UNC13D: variants seen among roughly 807,000 people sequenced by gnomAD.
UNC13D encodes unc-13 homolog D.
In UNC13D, 115 loss-of-function variants were observed where a neutral mutation model predicts 151.7. The ratio of observed to expected loss-of-function variants is 0.76; its 90% confidence interval spans 0.65 to 0.88. UNC13D has a LOEUF of 0.88. Among genes scored for constraint, UNC13D ranks in the 40% least tolerant of loss-of-function variants. UNC13D has a pLI of 0.00. For synonymous variants in UNC13D, 588 were observed against 612.2 expected (o/e 0.96, Z 0.58); for missense variants, 1,369 against 1,438.7 (o/e 0.95, Z 0.78).
chr17:75,839,945 G>A lies in UNC13D; in HGVS notation c.952-3C>T, dbSNP rs780758556. Reference sequence around the variant, plus strand: ...CCGTCCCAGGAGGTGCTTCCCGCCTGAGGGGAGCAGGTGGAGGAGTGTCAG... The same window carrying A: ...CCGTCCCAGGAGGTGCTTCCCGCCTAAGGGGAGCAGGTGGAGGAGTGTCAG... On this transcript the variant is annotated splice_polypyrimidine_tract_variant and splice_region_variant and intron_variant, in intron 11 of 31. Transcript: ENST00000207549. 5 of 1,613,764 alleles carry A rather than the reference G, an allele frequency of 3.1e-6. No individual in the cohort carries two copies. Among genetic ancestry groups the A allele is most frequent in the Non-Finnish European group, 4.2e-6 (5 of 1,180,010 alleles).
Position 75,835,858 on chromosome 17 carries a change from C to A in UNC13D, c.1593G>T (p.Trp531Cys), listed in dbSNP as rs375293311. 11 of 1,614,052 alleles carry A rather than the reference C, an allele frequency of 6.8e-6. No individual in the cohort carries two copies. The African/African-American group carries it at 1.2e-4, about 18-fold the overall frequency. Residue 531 changes from tryptophan to cysteine, a missense_variant, in exon 18 of 32, where the codon TGG (tryptophan) becomes TGT (cysteine). Physicochemically the swap from Trp to Cys is radical, Grantham distance 215. Transcript: ENST00000207549. ...LFSMAFRELQWLVAKRVQDHT... is the reference protein window; with the variant it reads ...LFSMAFRELQCLVAKRVQDHT... ...TAGAGACGGGGGAGGGACTCACCAG[C>A]CACTGCAGCTCCCGGAAAGCCATGG... is the stretch of plus-strand genomic sequence containing the variant.
chr17:75,837,942 A>G (rs973523541), intron 12 of UNC13D, among the ~76,000 whole-genome samples: 11 of 152,272 alleles, frequency 7.2e-5, no homozygotes, highest in African/African-American at 2.4e-4. Flanking sequence ...CCTATTGGAC[A>G]CTGCAGCCAC....
Position 75,840,787 on chromosome 17 carries a change from G to A in UNC13D, c.658C>T (p.Leu220Phe), listed in dbSNP as rs1006069791. ...VESVRQKLGE[L>F]TDLHGLRRIF... is the part of the protein sequence containing the mutation. ...CTGCGAAGCCCATGCAGATCCGTGAGCTCCCCAAGCTTCTGTCGGACAGAC... is the reference window on the plus strand; with the variant it reads ...CTGCGAAGCCCATGCAGATCCGTGAACTCCCCAAGCTTCTGTCGGACAGAC... Residue 220 changes from leucine to phenylalanine, a missense_variant, in exon 8 of 32, where the codon CTC becomes TTC. Around this residue, in one of 3 missense-constraint regions of UNC13D, gnomAD observed 550 missense variants for 609.0 expected, o/e 0.90. Transcript: ENST00000207549. The surrounding 1 kb of genome is among the most constrained non-coding windows in gnomAD (Gnocchi z 4.6). 1.2e-6 allele frequency: 2 copies of A among 1,614,028 alleles called. No individual in the cohort carries two copies. The highest frequency in any genetic ancestry group is 2.2e-5 in the East Asian group (1 of 44,882).
intron 6 of UNC13D, 134 bp from the exon 7 acceptor site, chr17:75,841,135 CTTTTTT>C (rs34691954): frequency 4.2e-4 from 128 of 307,170 alleles, no homozygotes; most frequent in East Asian, 1.1e-3. Context: ...AGCCGCATCC[CTTTTTT>C]TTTTTTTTTT....
rs757821324 is a variant in UNC13D at position 75,828,790 on chromosome 17, T to G, written c.3148A>C (p.Asn1050His). ...TRLPLTYPAP[N>H]GDPILQLLEG... ...CCTGCCCTGGGCTCAGGCCTACCGT[T>G]GGGTGCGGGGTACGTGAGGGGCAGG... Residue 1050 changes from asparagine to histidine, a missense_variant, in exon 31 of 32, where the codon AAC (asparagine) becomes CAC (histidine). Coordinates refer to ENST00000207549, the MANE Select transcript of UNC13D (RefSeq NM_199242.3). 1 of 1,539,810 alleles carries G rather than the reference T, an allele frequency of 6.5e-7. No homozygotes were observed. The highest frequency in any genetic ancestry group is 1.2e-5 in the South Asian group (1 of 84,006).
rs1461192239 is a variant in UNC13D at position 75,835,045 on chromosome 17, G to T, written c.1867C>A (p.Leu623Met). 2 of 1,613,968 alleles carry T rather than the reference G, an allele frequency of 1.2e-6. No homozygotes were observed. The highest frequency in any genetic ancestry group is 2.7e-5 in the African/African-American group (2 of 75,034). The change falls in exon 21 of 32, where the codon CTG becomes ATG. Residue 623 changes from leucine (L) to methionine (M), a missense_variant. Physicochemically the swap from Leu to Met is conservative, Grantham distance 15 (BLOSUM62 2). Transcript: ENST00000207549. The stretch of plus-strand genomic sequence containing the variant: ...ACCGCTGATGTGCTGTGCTTGGTCA[G>T]TTCACCCAGGGGCACCAGCTGGGGG... ...QMDELVPLGE[L>M]TKHSTSAVDL...
rs200887966 is a variant in UNC13D at position 75,840,342 on chromosome 17, G to T, written c.754-13C>A. 1 of 1,612,994 alleles carries T rather than the reference G, an allele frequency of 6.2e-7. No homozygotes were observed. Among genetic ancestry groups the T allele is most frequent in the Non-Finnish European group, 8.5e-7 (1 of 1,179,726 alleles). On this transcript the variant is annotated splice_polypyrimidine_tract_variant and intron_variant, in intron 9 of 31. Coordinates refer to ENST00000207549, the MANE Select transcript of UNC13D (RefSeq NM_199242.3). This position sits in a 1 kb window ranked among gnomAD's most constrained non-coding sequence, Gnocchi z 4.6. ...GGCAGCGCAGGTCCTGACAGGCGGG[G>T]ATGCCCAGCCCGTGAGCGTCAGAAC... is the stretch of plus-strand genomic sequence containing the variant.
chr17:75,833,111 C>A lies in UNC13D; in HGVS notation c.2368-66G>T. 1 of 1,494,852 alleles carries A rather than the reference C, an allele frequency of 6.7e-7. No individual in the cohort carries two copies. The highest frequency in any genetic ancestry group is 1.2e-5 in the South Asian group (1 of 82,908). The allele number at this position is 1,494,852 out of a possible 1,614,324, so 92.6% of individuals were successfully genotyped here. A position where few individuals can be genotyped will look rare whatever the true frequency, so the allele number is the denominator to read the frequency against. ...GTTGGCCCCACCCCCATCCCCTTCC[C>A]CTGACCTGGAGGGAGGAAACAGGGC... On this transcript the variant is annotated intron_variant, in intron 24 of 31. Coordinates refer to ENST00000207549, the MANE Select transcript of UNC13D (RefSeq NM_199242.3). This position sits in a 1 kb window ranked among gnomAD's most constrained non-coding sequence, Gnocchi z 4.0.
rs1426819413 is a variant in UNC13D at position 75,827,669 on chromosome 17, C to CA, written c.*295dup. The CA allele has an allele frequency of 2.2e-5, 33 of 1,529,186 alleles. No homozygotes were observed. Among genetic ancestry groups the CA allele is most frequent in the Non-Finnish European group, 2.9e-5 (33 of 1,143,762 alleles). The allele number at this position is 1,529,186 out of a possible 1,614,324, so 94.7% of individuals were successfully genotyped here. On this transcript the variant is annotated 3_prime_UTR_variant, in exon 32 of 32. Coordinates refer to ENST00000207549, the MANE Select transcript of UNC13D (RefSeq NM_199242.3). ...AGATGGCCCAATCCCCTGCCCACCA[C>CA]AGCAGCTTTTCTGAGAGGCGGGCAG...
intron 21 of UNC13D, 33 bp downstream of exon 21, chr17:75,834,887 A>T: frequency 6.2e-7 from 1 of 1,613,700 alleles, no homozygotes; most frequent in Middle Eastern, 1.7e-4. Flanking sequence ...CTGTTCTAGA[A>T]AGAGGGGGAA....
chr17:75,836,854 G>C lies in UNC13D; in HGVS notation c.1120C>G (p.Pro374Ala), dbSNP rs753098192. Residue 374 changes from proline (P) to alanine (A), a missense_variant, in exon 13 of 32, where the codon CCC (proline) becomes GCC (alanine). Pro to Ala is a conservative substitution (Grantham distance 27). This residue lies in a region of UNC13D where 550 missense variants were observed against 609.0 expected (regional missense o/e 0.90). Coordinates refer to ENST00000207549, the MANE Select transcript of UNC13D (RefSeq NM_199242.3). ...LEFPSSCLLH[P>A]ITSIEYQWIQ... Reference sequence around the variant, plus strand: ...CACTGGTACTCGATGCTGGTGATGGGGTGCAGGAGGCAGCTGCTGGGGAAC... The same window carrying C: ...CACTGGTACTCGATGCTGGTGATGGCGTGCAGGAGGCAGCTGCTGGGGAAC... 1.2e-6 allele frequency: 2 copies of C among 1,613,870 alleles called. No homozygotes were observed. Among genetic ancestry groups the C allele is most frequent in the South Asian group, 2.2e-5 (2 of 91,072 alleles).
rs377293829 is a variant in UNC13D, at chr17:75,835,437, C to T, written c.1820G>A (p.Arg607Gln). The T allele has an allele frequency of 2.5e-6, 4 of 1,612,714 alleles. No homozygotes were observed. Among genetic ancestry groups the T allele is most frequent in the East Asian group, 2.2e-5 (1 of 44,862 alleles). The change falls in exon 20 of 32, where the codon CGG becomes CAG. Residue 607 changes from arginine (R) to glutamine (Q), a missense_variant. Physicochemically the swap from Arg to Gln is conservative, Grantham distance 43. This residue lies in a region of UNC13D where 807 missense variants were observed against 795.5 expected (regional missense o/e 1.01). Transcript: ENST00000207549. Reference sequence around the variant, plus strand: ...ATCCATCTGCACAGCGCGCTGCACCCGCGCCAGGGCCTCGTTGTACGTCTT... The same window carrying T: ...ATCCATCTGCACAGCGCGCTGCACCTGCGCCAGGGCCTCGTTGTACGTCTT... ...LQKTYNEALARVQRAVQMDEL... is the reference protein window; with the variant it reads ...LQKTYNEALAQVQRAVQMDEL...
Position 75,843,056 on chromosome 17 carries a change from G to A in UNC13D, c.279C>T (p.Pro93=), listed in dbSNP as rs3744007. The A allele has an allele frequency of 0.032, 52,299 of 1,609,490 alleles. 2,711 individuals are homozygous for A. The highest frequency in any genetic ancestry group is 0.28 in the East Asian group (12,604 of 44,756). ...RYLQEAFHVE[P]EEHQQTLQRV... The stretch of plus-strand genomic sequence containing the variant: ...GCTGCAGTGTCTGCTGGTGCTCCTC[G>A]GGCTCCACGTGGAAGGCCTGGTGGG... The change falls in exon 4 of 32, where the codon CCC becomes CCT. Residue 93 remains proline (P), a synonymous_variant. Coordinates refer to ENST00000207549, the MANE Select transcript of UNC13D (RefSeq NM_199242.3).
chr17:75,843,305 A>C (rs1353936731), intron 2 of UNC13D, 39 bp from the exon 3 acceptor site: 6 of 1,599,512 alleles, frequency 3.8e-6, no homozygotes, highest in Non-Finnish European at 4.2e-6. Context: ...CCCACCAGCC[A>C]CCCCTGGCAC....
rs762600771 is a variant in UNC13D, at chr17:75,836,686, A to G, written c.1184T>C (p.Leu395Pro). ...GRLKAEQQEE[L>P]AASFSSLLTY... ...CAGCAGGGAGCTGAATGAGGCGGCC[A>G]GCTCCTCCTGCTGAAGAGCCAGGAG... The change falls in exon 14 of 32, where the codon CTG (leucine) becomes CCG (proline). Residue 395 changes from leucine (L) to proline (P), a missense_variant. Transcript: ENST00000207549. 2 of 1,613,678 alleles carry G rather than the reference A, an allele frequency of 1.2e-6. No homozygotes were observed. The highest frequency in any genetic ancestry group is 2.2e-5 in the South Asian group (2 of 91,084).
Position 75,842,481 on chromosome 17 carries a change from T to A in UNC13D, c.521A>T (p.Gln174Leu). The A allele has an allele frequency of 6.2e-7, 1 of 1,613,418 alleles. No individual in the cohort carries two copies. Among genetic ancestry groups the A allele is most frequent in the Non-Finnish European group, 8.5e-7 (1 of 1,179,968 alleles). Residue 174 changes from glutamine to leucine, a missense_variant, in exon 6 of 32, where the codon CAG becomes CTG. Coordinates refer to ENST00000207549, the MANE Select transcript of UNC13D (RefSeq NM_199242.3). ...GGGGTTGAGTGTCTGGGTGATGACCTGCGTGCGGTGGGTCTCCTCCTCGGG... is the reference window on the plus strand; with the variant it reads ...GGGGTTGAGTGTCTGGGTGATGACCAGCGTGCGGTGGGTCTCCTCCTCGGG... ...TIPEEETHRT[Q>L]VITQTLNPVW...
chr17:75,828,775 G>A lies in UNC13D; in HGVS notation c.3151+12C>T. On this transcript the variant is annotated intron_variant, in intron 31 of 31. Transcript: ENST00000207549. ...CCGTCCCCGCACCACCCTGCCCTGG[G>A]CTCAGGCCTACCGTTGGGTGCGGGG... is the stretch of plus-strand genomic sequence containing the variant. 1 of 1,527,932 alleles carries A rather than the reference G, an allele frequency of 6.5e-7. No homozygotes were observed. The highest frequency in any genetic ancestry group is 8.8e-7 in the Non-Finnish European group (1 of 1,136,694). The allele number at this position is 1,527,932 out of a possible 1,614,324, so 94.6% of individuals were successfully genotyped here.
Position 75,844,306 on chromosome 17 carries a change from C to G in UNC13D, c.32G>C (p.Arg11Pro), listed in dbSNP as rs574927621. 101 of 1,612,520 alleles carry G rather than the reference C, an allele frequency of 6.3e-5. 1 individual carries two copies. The Middle Eastern group carries it at 1.8e-3, about 29-fold the overall frequency. The part of the protein sequence containing the change: MATLLSHPQQ[R>P]PPFLRQAIKI... ...GATGGCCTGGCGCAAGAAGGGAGGG[C>G]GCTGCTGCGGATGGGAGAGGAGTGT... is the stretch of plus-strand genomic sequence containing the variant. The change falls in exon 1 of 32, where the codon CGC (arginine) becomes CCC (proline). Residue 11 changes from arginine (R) to proline (P), a missense_variant. Physicochemically the swap from Arg to Pro is moderately radical, Grantham distance 103. Coordinates refer to ENST00000207549, the MANE Select transcript of UNC13D (RefSeq NM_199242.3).
rs772758644 is a variant in UNC13D, at chr17:75,827,453, G to A, written c.*512C>T. 30 of 1,445,552 alleles carry A rather than the reference G, an allele frequency of 2.1e-5. No individual in the cohort carries two copies. In the South Asian group the frequency reaches 3.9e-4, roughly 19 times the overall value. 89.5% of individuals were successfully genotyped at this position (1,445,552 alleles called of 1,614,324 possible). A position where few individuals can be genotyped will look rare whatever the true frequency, so the allele number is the denominator to read the frequency against. On this transcript the variant is annotated 3_prime_UTR_variant, in exon 32 of 32. Transcript: ENST00000207549. ...CCTGGATGCTGGCAGCCCCTGGGGA[G>A]AGGACCCAGGCCCCCTCTAGTAATG...
Sources: allele counts gnomAD v4.1 joint callset (sites outside exome capture counted in the v4.1 genomes callset), GRCh38; gene constraint gnomAD v4.1.1; regional missense constraint gnomAD v4.1.1; non-coding constraint Gnocchi (gnomAD v3.1); transcripts MANE v1.5; gene names NCBI Gene and HGNC (gene_info 2026-07-23, HGNC 2026-07-21).